The following TEKT4 variants were observed in gnomAD, a reference collection of about 807,000 sequenced individuals.
The protein encoded by TEKT4 is tektin 4.
Under a neutral mutation model 46.0 loss-of-function variants are expected in TEKT4, and 46 were observed. That is an observed-to-expected ratio of 1.00 (90% CI 0.79 to 1.28). The LOEUF is 1.28. Among genes scored for constraint, TEKT4 ranks in the 50% most tolerant of loss-of-function variants. The pLI is 0.00. For missense variants in TEKT4, 790 were observed against 622.9 expected (o/e 1.27, Z -2.85); for synonymous variants, 325 against 265.8 (o/e 1.22, Z -2.17).
At chr2:94,872,136 C>T in intron 1 of TEKT4, 59 bp downstream of exon 1, 1 of 1,475,116 alleles carries the variant, frequency 6.8e-7, no homozygotes, top group Non-Finnish European at 9.0e-7. Flanking sequence ...GCCCCCCCCC[C>T]CGCAGTTCAT....
intron 1 of TEKT4, chr2:94,873,311 G>A (rs1421277036): frequency 5.6e-6 from 8 of 1,420,946 alleles, no homozygotes; most frequent in Non-Finnish European, 7.3e-6. Flanking sequence ...AGGCCCTGGA[G>A]GAAAACACCC....
In TEKT4 at chr2:94,876,624, A is replaced by G. The variant is rs782205598; in HGVS notation, c.1163A>G (p.Gln388Arg). ...ALREKLLEAE[Q>R]SLRNLEDIHM... ...CGAGAGAAGCTTCTAGAAGCGGAGC[A>G]GTCCCTGCGCAACCTCGAGGACATC... is the stretch of plus-strand genomic sequence containing the variant. The change falls in exon 6 of 6, where the codon CAG (glutamine) becomes CGG (arginine). Residue 388 changes from glutamine (Q) to arginine (R), a missense_variant. Coordinates refer to ENST00000295201, the MANE Select transcript of TEKT4 (RefSeq NM_144705.4). 6.2e-7 allele frequency: 1 copy of G among 1,613,150 alleles called. No individual in the cohort carries two copies. The highest frequency in any genetic ancestry group is 1.3e-5 in the African/African-American group (1 of 75,042).
intron 5 of TEKT4, 62 bp from the exon 6 acceptor site, chr2:94,876,491 C>A: frequency 4.7e-6 from 7 of 1,475,276 alleles, no homozygotes; most frequent in Non-Finnish European, 6.4e-6. Context: ...GTCCCCTACA[C>A]CCCGGTAGGT....
chr2:94,873,357 C>T, intron 1 of TEKT4, 163 bp from the exon 2 acceptor site: 1 of 1,466,220 alleles, frequency 6.8e-7, no homozygotes, highest in Non-Finnish European at 9.0e-7. Context: ...CCCAAAAGCC[C>T]AAGATAAACC....
At position 94,872,178 on chromosome 2, in the gene TEKT4, C is replaced by T. The variant is rs1203996749; in HGVS notation, c.498+101C>T. The T allele has an allele frequency of 4.9e-6, 7 of 1,416,120 alleles. No homozygotes were observed. The African/African-American group carries it at 1.0e-4, about 20-fold the overall frequency. The allele number at this position is 1,416,120 out of a possible 1,614,324, so 87.7% of individuals were successfully genotyped here. On this transcript the variant is annotated intron_variant, in intron 1 of 5. Transcript: ENST00000295201. ...AAGCCACGTGGCTGCTGCAAGCACGCGGGAGCCCAGCCCTCTGCACGTGAG... is the reference window on the plus strand; with the variant it reads ...AAGCCACGTGGCTGCTGCAAGCACGTGGGAGCCCAGCCCTCTGCACGTGAG...
chr2:94,874,481 G>A (rs1172963420), intron 3 of TEKT4, among the ~76,000 whole-genome samples: 4 of 151,712 alleles, frequency 2.6e-5, no homozygotes, highest in Non-Finnish European at 4.4e-5. Flanking sequence ...GGGGCCGGAG[G>A]TGCTGCAGAG....
Position 94,871,530 on chromosome 2 carries a change from C to CT in TEKT4, c.-49dup. The CT allele has an allele frequency of 6.6e-7, 1 of 1,514,470 alleles. No individual in the cohort carries two copies. The highest frequency in any genetic ancestry group is 8.8e-7 in the Non-Finnish European group (1 of 1,131,968). 93.8% of individuals were successfully genotyped at this position (1,514,470 alleles called of 1,614,324 possible). A position where few individuals can be genotyped will look rare whatever the true frequency, so the allele number is the denominator to read the frequency against. On this transcript the variant is annotated 5_prime_UTR_variant, in exon 1 of 6. Coordinates refer to ENST00000295201, the MANE Select transcript of TEKT4 (RefSeq NM_144705.4). ...ACCGCACTAGGCTGACCGCAACCGG[C>CT]TGACCACACACAGTCCTCACTCCCC...
chr2:94,875,947 G>C (rs1345855851), intron 5 of TEKT4, among the ~76,000 whole-genome samples: 1 of 152,184 alleles, frequency 6.6e-6, no homozygotes, highest in Non-Finnish European at 1.5e-5. Flanking sequence ...TGGGTCGGGG[G>C]GCTCCCAGTG....
intron 3 of TEKT4, 32 bp from the exon 4 acceptor site, chr2:94,874,744 C>T (rs80191464): frequency 4.7e-5 from 71 of 1,515,724 alleles, no homozygotes; most frequent in Non-Finnish European, 2.8e-5. Flanking sequence ...AGAGCCTCCC[C>T]GACCCTCTCC....
rs1292471588 is a variant in TEKT4, at chr2:94,871,601, T to A, written c.22T>A (p.Cys8Ser). The stretch of plus-strand genomic sequence containing the variant: ...CACCATGGCGCAGACAGTGCCGCCC[T>A]GCGAGCTGCCCTGCAAAGAGTACGA... Reference protein sequence around the residue: MAQTVPPCELPCKEYDVA... With the variant: MAQTVPPSELPCKEYDVA... The change falls in exon 1 of 6, where the codon TGC becomes AGC. Residue 8 changes from cysteine to serine, a missense_variant. Transcript: ENST00000295201. 1 of 1,609,502 alleles carries A rather than the reference T, an allele frequency of 6.2e-7. No individual in the cohort carries two copies. Among genetic ancestry groups the A allele is most frequent in the Non-Finnish European group, 8.5e-7 (1 of 1,178,414 alleles).
intron 5 of TEKT4, 30 bp from the exon 6 acceptor site, chr2:94,876,522 GC>G: frequency 6.4e-7 from 1 of 1,573,520 alleles, no homozygotes. Context: ...GCCCTCCCTA[GC>G]CCCGGCTCAC....
intron 1 of TEKT4, 135 bp downstream of exon 1, chr2:94,872,212 G>C: frequency 8.4e-7 from 1 of 1,190,872 alleles, no homozygotes; most frequent in Non-Finnish European, 1.1e-6. Context: ...AGACCCCTGA[G>C]TCCCGAAATC....
At chr2:94,875,377 C>T (rs1680796381) in intron 4 of TEKT4, among the ~76,000 whole-genome samples, 1 of 152,142 alleles carries the variant, frequency 6.6e-6, no homozygotes, top group African/African-American at 2.4e-5. Flanking sequence ...GGTTCTTGGA[C>T]CACAGCTAAG....
chr2:94,876,434 A>G, intron 5 of TEKT4, 119 bp from the exon 6 acceptor site: 1 of 804,162 alleles, frequency 1.2e-6, no homozygotes, highest in Non-Finnish European at 2.0e-6. Context: ...GGGTTCTTTC[A>G]TGGAGTCTTC....
At chr2:94,872,119 A>T (rs781874740) in intron 1 of TEKT4, 42 bp downstream of exon 1, 6 of 1,413,572 alleles carry the variant, frequency 4.2e-6, no homozygotes, top group Non-Finnish European at 4.7e-6. Context: ...GGGCGCAGAG[A>T]GGAGGAGCCC....
Position 94,871,478 on chromosome 2 carries a change from G to A in TEKT4, c.-102G>A, listed in dbSNP as rs574322364. On this transcript the variant is annotated 5_prime_UTR_variant, in exon 1 of 6. Coordinates refer to ENST00000295201, the MANE Select transcript of TEKT4 (RefSeq NM_144705.4). ...GACTGGGAGCCGCGTCCTGCTCTGGGACTGAGCCGTTGGAGCTGCCCCGCT... is the reference window on the plus strand; with the variant it reads ...GACTGGGAGCCGCGTCCTGCTCTGGAACTGAGCCGTTGGAGCTGCCCCGCT... 3.6e-6 allele frequency: 5 copies of A among 1,401,802 alleles called. No individual in the cohort carries two copies. The highest frequency in any genetic ancestry group is 3.0e-5 in the South Asian group (2 of 66,968). The allele number at this position is 1,401,802 out of a possible 1,614,324, so 86.8% of individuals were successfully genotyped here.
chr2:94,875,948 G>T (rs112195668), intron 5 of TEKT4, among the ~76,000 whole-genome samples: 2 of 152,182 alleles, frequency 1.3e-5, no homozygotes, highest in African/African-American at 4.8e-5. Flanking sequence ...GGGTCGGGGG[G>T]CTCCCAGTGC....
In TEKT4 at chr2:94,875,719, G is replaced by A. The variant is rs115769233; in HGVS notation, c.1068G>A (p.Leu356=). The change falls in exon 5 of 6, where the codon CTG becomes CTA. Residue 356 remains leucine, a synonymous_variant. Coordinates refer to ENST00000295201, the MANE Select transcript of TEKT4 (RefSeq NM_144705.4). ...GCTCGCACCGGCCCAACATGGAGCT[G>A]TGCCGTGACGCAGCCCAGTTCAGGT... is the stretch of plus-strand genomic sequence containing the variant. ...YLRSHRPNME[L]CRDAAQFRLL... is the part of the protein sequence containing the mutation. 9.4e-3 allele frequency: 15,147 copies of A among 1,614,090 alleles called. 104 individuals are homozygous for A. Among genetic ancestry groups the A allele is most frequent in the Non-Finnish European group, 0.012 (14,055 of 1,179,964 alleles).
rs782546092 is a variant in TEKT4 at position 94,874,834 on chromosome 2, C to T, written c.772C>T (p.Arg258Cys). Reference sequence around the variant, plus strand: ...GCAGGACAATCTGTGCCGTGCCCAGCGCGAGCGCCTGGCCTCGGCCAACCT... The same window carrying T: ...GCAGGACAATCTGTGCCGTGCCCAGTGCGAGCGCCTGGCCTCGGCCAACCT... ...FTQDNLCRAQRERLASANLRV... is the reference protein window; with the variant it reads ...FTQDNLCRAQCERLASANLRV... Residue 258 changes from arginine (R) to cysteine (C), a missense_variant, in exon 4 of 6, where the codon CGC becomes TGC. Transcript: ENST00000295201. 2.2e-5 allele frequency: 35 copies of T among 1,605,924 alleles called. No individual in the cohort carries two copies. In the South Asian group the frequency reaches 2.7e-4, roughly 12 times the overall value.
Sources: gnomAD v4.1 joint callset for allele counts (sites outside exome capture counted in the v4.1 genomes callset) on GRCh38, gnomAD v4.1.1 for gene constraint, MANE v1.5 for transcripts, NCBI Gene and HGNC (gene_info 2026-07-23, HGNC 2026-07-21) for gene names.